Variants in PLPPR1 observed in about 807,000 individuals in gnomAD.
PLPPR1 encodes the protein phospholipid phosphatase related 1.
Under a neutral mutation model 33.1 loss-of-function variants are expected in PLPPR1, and 10 were observed. The observed-to-expected ratio is 0.30, with a 90% CI of 0.19 to 0.51. The LOEUF (loss-of-function observed/expected upper bound fraction) is 0.51, where lower values mean the gene tolerates loss of function less well. Among genes scored for constraint, PLPPR1 ranks in the 20% least tolerant of loss-of-function variants. The probability of loss-of-function intolerance (pLI) is 0.97; values close to 1 mark genes in which losing one functional copy is unlikely to be tolerated. For missense variants in PLPPR1, 304 were observed against 408.1 expected, an observed-to-expected ratio of 0.74 and a Z score of 2.20; for synonymous variants, 151 against 151.0, an observed-to-expected ratio of 1.00 and a Z score of 0.00.
intron 2 of PLPPR1, among the ~76,000 whole-genome samples, chr9:101,206,680 A>C (rs1366073971): frequency 6.6e-6 from 1 of 152,152 alleles, no homozygotes; most frequent in Non-Finnish European, 1.5e-5. Context: ...TCAGCTCCCA[A>C]CTACAACACC....
intron 1 of PLPPR1, among the ~76,000 whole-genome samples, chr9:101,031,383 G>A (rs899475443): frequency 1.3e-5 from 2 of 152,090 alleles, no homozygotes; most frequent in Non-Finnish European, 2.9e-5. Context: ...ATGTAACATA[G>A]TTCTGTCCCT....
chr9:101,089,309 A>ATAGG (rs1380676605), intron 1 of PLPPR1, among the ~76,000 whole-genome samples: 2 of 152,194 alleles, frequency 1.3e-5, no homozygotes, highest in East Asian at 3.9e-4. Flanking sequence ...AGATAGATAG[A>ATAGG]TAGATAGATA....
intron 1 of PLPPR1, among the ~76,000 whole-genome samples, chr9:101,092,292 A>G (rs919650032): frequency 6.6e-6 from 1 of 152,016 alleles, no homozygotes; most frequent in African/African-American, 2.4e-5. Flanking sequence ...AGAACCTATT[A>G]ATTTTGTGAT....
Position 101,189,174 on chromosome 9 carries a change from G to T in PLPPR1, c.63+3617G>T, listed in dbSNP as rs1043285937. On this transcript the variant is annotated intron_variant, in intron 2 of 7. Transcript: ENST00000374874. ...TTTCATACATTTTAGGGAAATATGA[G>T]ACATCAATCAAATACATTTAAGATA... is the stretch of plus-strand genomic sequence containing the variant. Among the ~76,000 whole-genome samples the T allele has an allele frequency of 1.6e-4, 24 of 152,098 alleles. 1 individual carries two copies. The highest frequency in any genetic ancestry group is 4.1e-4 in the African/African-American group (17 of 41,426).
intron 2 of PLPPR1, among the ~76,000 whole-genome samples, chr9:101,246,080 A>C (rs867201039): frequency 4.0e-5 from 5 of 124,308 alleles, no homozygotes; most frequent in Admixed American, 3.2e-4. Context: ...ATATATATAT[A>C]TATATATATA....
intron 7 of PLPPR1, among the ~76,000 whole-genome samples, chr9:101,319,749 C>T (rs892237782): frequency 5.3e-5 from 8 of 152,114 alleles, no homozygotes; most frequent in Non-Finnish European, 1.0e-4. Flanking sequence ...TAATTACAAT[C>T]CTGTGTTTAG....
intron 2 of PLPPR1, among the ~76,000 whole-genome samples, chr9:101,237,375 T>C (rs955809230): frequency 6.6e-6 from 1 of 151,518 alleles, no homozygotes; most frequent in Admixed American, 6.6e-5. Flanking sequence ...TGCGCTGTTA[T>C]ATTTATCACA....
intron 2 of PLPPR1, among the ~76,000 whole-genome samples, chr9:101,250,669 C>A (rs1381485989): frequency 6.6e-6 from 1 of 152,010 alleles, no homozygotes; most frequent in African/African-American, 2.4e-5. Context: ...TACCACTAAC[C>A]CTGCCTCCTT....
chr9:101,300,787 T>G (rs1350492439), intron 4 of PLPPR1, among the ~76,000 whole-genome samples: 1 of 152,220 alleles, frequency 6.6e-6, no homozygotes, highest in Non-Finnish European at 1.5e-5. Flanking sequence ...TTTCTAGACT[T>G]ACTTGCATCC....
chr9:101,176,520 A>G (rs985193949), intron 1 of PLPPR1, among the ~76,000 whole-genome samples: 1 of 152,192 alleles, frequency 6.6e-6, no homozygotes, highest in African/African-American at 2.4e-5. Context: ...ACCTTCTTGC[A>G]GTATCTGTGG....
intron 2 of PLPPR1, among the ~76,000 whole-genome samples, chr9:101,211,664 C>T (rs569055772): frequency 6.6e-6 from 1 of 152,322 alleles, no homozygotes; most frequent in Non-Finnish European, 1.5e-5. Flanking sequence ...AACTCTGTCC[C>T]TCTCTGTGAC....
At chr9:101,106,471 T>C (rs1331795171) in intron 1 of PLPPR1, among the ~76,000 whole-genome samples, 1 of 117,892 alleles carries the variant, frequency 8.5e-6, no homozygotes, top group Non-Finnish European at 1.7e-5. Context: ...ATGTTGAATA[T>C]TGGCCCCCAC....
intron 1 of PLPPR1, among the ~76,000 whole-genome samples, chr9:101,085,946 T>A (rs1295380810): frequency 6.6e-6 from 1 of 152,116 alleles, no homozygotes; most frequent in African/African-American, 2.4e-5. Context: ...GGTTGGAAAT[T>A]TTCAATCTGT....
intron 1 of PLPPR1, among the ~76,000 whole-genome samples, chr9:101,046,435 CTTTTT>C (rs527884198): frequency 8.6e-6 from 1 of 116,782 alleles, no homozygotes; most frequent in South Asian, 2.8e-4. Context: ...CTCTTTTATT[CTTTTT>C]TTTTTTTTTT....
intron 1 of PLPPR1, among the ~76,000 whole-genome samples, chr9:101,036,660 C>A (rs1588001798): frequency 7.9e-6 from 1 of 126,734 alleles, no homozygotes; most frequent in African/African-American, 3.1e-5. Flanking sequence ...GTAGAATGGC[C>A]AAGCTTGGAA....
At chr9:101,275,746 A>G (rs1454632072) in intron 3 of PLPPR1, among the ~76,000 whole-genome samples, 1 of 152,014 alleles carries the variant, frequency 6.6e-6, no homozygotes, top group Non-Finnish European at 1.5e-5. Flanking sequence ...TGGCTATTAA[A>G]CCTTTTTTCT....
chr9:101,074,483 T>C (rs988631670), intron 1 of PLPPR1, among the ~76,000 whole-genome samples: 4 of 152,174 alleles, frequency 2.6e-5, no homozygotes, highest in Non-Finnish European at 5.9e-5. Context: ...GGTCCACAAA[T>C]ATTCTTCCCT....
At chr9:101,206,042 C>T (rs924809148) in intron 2 of PLPPR1, among the ~76,000 whole-genome samples, 13 of 152,070 alleles carry the variant, frequency 8.5e-5, no homozygotes, top group African/African-American at 2.9e-4. Context: ...ACAAATTATA[C>T]CATCACAGTG....
rs114932457 is a variant in PLPPR1 at position 101,164,018 on chromosome 9, C to T, written c.-45-21432C>T. Among the ~76,000 whole-genome samples, 960 of 152,294 alleles carry T rather than the reference C, an allele frequency of 6.3e-3. 10 individuals carry two copies. The highest frequency in any genetic ancestry group is 0.022 in the African/African-American group (899 of 41,568). Reference sequence around the variant, plus strand: ...ATCAGGGAGTCACCATCCCTGCATGCTTATTTTATGCTAAAATGAACCAAT... The same window carrying T: ...ATCAGGGAGTCACCATCCCTGCATGTTTATTTTATGCTAAAATGAACCAAT... On this transcript the variant is annotated intron_variant, in intron 1 of 7. Coordinates refer to ENST00000374874, the MANE Select transcript of PLPPR1 (RefSeq NM_207299.2).
Sources: gnomAD v4.1 joint callset for allele counts (sites outside exome capture counted in the v4.1 genomes callset) on GRCh38, gnomAD v4.1.1 for gene constraint, MANE v1.5 for transcripts, NCBI Gene and HGNC (gene_info 2026-07-23, HGNC 2026-07-21) for gene names.